Variants in PLPPR5 observed in about 807,000 individuals in gnomAD.
The protein encoded by PLPPR5 is phospholipid phosphatase-related protein type 5.
In PLPPR5, 16 loss-of-function variants were observed where a neutral mutation model predicts 33.9. The ratio of observed to expected loss-of-function variants is 0.47; its 90% confidence interval spans 0.32 to 0.72. The LOEUF (loss-of-function observed/expected upper bound fraction) is 0.72. Among genes scored for constraint, PLPPR5 ranks in the 30% least tolerant of loss-of-function variants. PLPPR5 has a pLI of 0.03. For missense variants in PLPPR5, 301 were observed against 406.7 expected (o/e 0.74, Z 2.23); for synonymous variants, 163 against 150.3 (o/e 1.08, Z -0.62).
At chr1:98,985,647 T>A (rs945517401) in intron 1 of PLPPR5, among the ~76,000 whole-genome samples, 1 of 151,996 alleles carries the variant, frequency 6.6e-6, no homozygotes, top group Admixed American at 6.6e-5. Flanking sequence ...TACCATTTTT[T>A]AATCTATTAT....
At position 98,919,883 on chromosome 1, in the gene PLPPR5, T is replaced by C. The variant is rs1279138051; in HGVS notation, c.798+1999A>G. Among the ~76,000 whole-genome samples the C allele has an allele frequency of 2.0e-5, 3 of 152,300 alleles. No individual in the cohort carries two copies. The East Asian group carries it at 5.8e-4, about 29-fold the overall frequency. ...CATGCACTATTTTGTTTAACCTTTA[T>C]AGAGCCTTATAATGATCCTTTAGGG... is the stretch of plus-strand genomic sequence containing the variant. On this transcript the variant is annotated intron_variant, in intron 4 of 5. Coordinates refer to ENST00000263177, the MANE Select transcript of PLPPR5 (RefSeq NM_001037317.2).
At chr1:98,975,828 A>G (rs1651828019) in intron 1 of PLPPR5, among the ~76,000 whole-genome samples, 1 of 152,038 alleles carries the variant, frequency 6.6e-6, no homozygotes, top group African/African-American at 2.4e-5. Context: ...TGTTGAGGGT[A>G]GTGGTGAACA....
At chr1:98,932,807 C>A (rs1411945785) in intron 3 of PLPPR5, among the ~76,000 whole-genome samples, 1 of 152,122 alleles carries the variant, frequency 6.6e-6, no homozygotes, top group Non-Finnish European at 1.5e-5. Flanking sequence ...AGTCTTGATC[C>A]TTCAGTACAT....
At chr1:98,901,799 A>G (rs1285288821) in intron 5 of PLPPR5, among the ~76,000 whole-genome samples, 2 of 152,074 alleles carry the variant, frequency 1.3e-5, no homozygotes, top group East Asian at 1.9e-4. Context: ...TAAATTATTA[A>G]TTGAGCTTAC....
At chr1:98,896,888 C>G (rs890816647) in intron 5 of PLPPR5, among the ~76,000 whole-genome samples, 1 of 151,948 alleles carries the variant, frequency 6.6e-6, no homozygotes, top group Non-Finnish European at 1.5e-5. Flanking sequence ...ATTCGTGGCA[C>G]GAAACTTTGG....
intron 4 of PLPPR5, 151 bp from the exon 5 acceptor site, chr1:98,915,071 A>G: frequency 1.5e-6 from 1 of 663,406 alleles, no homozygotes; most frequent in Non-Finnish European, 2.4e-6. Flanking sequence ...GATTTATTGT[A>G]TTCATTTATT....
At chr1:98,960,976 A>G (rs1222498595) in intron 1 of PLPPR5, among the ~76,000 whole-genome samples, 3 of 152,264 alleles carry the variant, frequency 2.0e-5, no homozygotes, top group Middle Eastern at 6.8e-3. Flanking sequence ...TGGTTCAAAG[A>G]TTCTCCATGA....
chr1:98,985,151 G>C (rs770608326), intron 1 of PLPPR5, among the ~76,000 whole-genome samples: 13 of 152,018 alleles, frequency 8.6e-5, no homozygotes, highest in Non-Finnish European at 1.5e-5. Context: ...CGGCTGTCTA[G>C]GTTTGGTGAA....
intron 1 of PLPPR5, among the ~76,000 whole-genome samples, chr1:98,995,354 T>A (rs759841184): frequency 6.6e-6 from 1 of 152,080 alleles, no homozygotes; most frequent in African/African-American, 2.4e-5. Flanking sequence ...AAACTACCTA[T>A]GGGATATTAT....
At chr1:98,984,760 G>T (rs1652192798) in intron 1 of PLPPR5, among the ~76,000 whole-genome samples, 1 of 151,800 alleles carries the variant, frequency 6.6e-6, no homozygotes, top group South Asian at 2.1e-4. Flanking sequence ...GTTTATAAAG[G>T]TTAGGACCTC....
At chr1:98,895,305 G>A (rs1648432375) in intron 5 of PLPPR5, among the ~76,000 whole-genome samples, 1 of 151,986 alleles carries the variant, frequency 6.6e-6, no homozygotes, top group Admixed American at 6.6e-5. Context: ...GGTGCAGCAA[G>A]AAGGCCCTTA....
At chr1:98,923,261 TATTTC>T (rs1649637719) in intron 3 of PLPPR5, among the ~76,000 whole-genome samples, 1 of 152,220 alleles carries the variant, frequency 6.6e-6, no homozygotes, top group Admixed American at 6.5e-5. Context: ...ATTCAATTAT[TATTTC>T]AAGTCATGAG....
chr1:98,961,143 T>C (rs1026481325), intron 1 of PLPPR5, among the ~76,000 whole-genome samples: 4 of 152,204 alleles, frequency 2.6e-5, no homozygotes, highest in African/African-American at 9.6e-5. Context: ...AAGGCTCTCC[T>C]TGCTGTCTCT....
At chr1:98,942,018 G>A (rs1036356928) in intron 3 of PLPPR5, among the ~76,000 whole-genome samples, 6 of 148,682 alleles carry the variant, frequency 4.0e-5, no homozygotes, top group Middle Eastern at 3.3e-3. Flanking sequence ...ACACATATAC[G>A]TATACATATA....
intron 1 of PLPPR5, among the ~76,000 whole-genome samples, chr1:98,989,337 T>G (rs149371469): frequency 1.7e-3 from 256 of 152,220 alleles, no homozygotes; most frequent in Middle Eastern, 6.8e-3. Context: ...CTGTATTATC[T>G]CAAGTTTTAA....
chr1:98,955,217 G>C (rs1000962028), intron 2 of PLPPR5, among the ~76,000 whole-genome samples: 1 of 151,998 alleles, frequency 6.6e-6, no homozygotes, highest in Non-Finnish European at 1.5e-5. Flanking sequence ...AAACAAATGG[G>C]CTTTCATATT....
At chr1:98,988,447 GT>G (rs2100758353) in intron 1 of PLPPR5, among the ~76,000 whole-genome samples, 1 of 152,122 alleles carries the variant, frequency 6.6e-6, no homozygotes, top group Admixed American at 6.6e-5. Context: ...CCTATTCATT[GT>G]TTTTAAGATT....
intron 3 of PLPPR5, among the ~76,000 whole-genome samples, chr1:98,925,901 C>T (rs960065868): frequency 6.6e-6 from 1 of 152,056 alleles, no homozygotes; most frequent in African/African-American, 2.4e-5. Flanking sequence ...ATCTGAGAAC[C>T]CTGGCCACAA....
chr1:98,906,856 G>C (rs962076342), intron 5 of PLPPR5, among the ~76,000 whole-genome samples: 8 of 152,014 alleles, frequency 5.3e-5, no homozygotes, highest in African/African-American at 1.9e-4. Context: ...TCTGAATATT[G>C]CTATTGCCCC....
Sources: allele counts gnomAD v4.1 joint callset (sites outside exome capture counted in the v4.1 genomes callset), GRCh38; gene constraint gnomAD v4.1.1; transcripts MANE v1.5; gene names NCBI Gene and HGNC (gene_info 2026-07-23, HGNC 2026-07-21).